The following FARP1 variants were observed in gnomAD, a reference collection of about 807,000 sequenced individuals.
FARP1 encodes the protein FERM, ARHGEF and pleckstrin domain-containing protein 1.
FARP1 carries 52 observed loss-of-function variants against 128.8 expected under a neutral mutation model. The ratio of observed to expected loss-of-function variants is 0.40; its 90% CI spans 0.32 to 0.51. FARP1 has a LOEUF of 0.51. Among genes scored for constraint, FARP1 ranks in the 20% least tolerant of loss-of-function variants. FARP1 has a pLI of 0.45. For synonymous variants in FARP1, 580 were observed against 551.8 expected, an observed-to-expected ratio of 1.05 and a Z score of -0.72; for missense variants, 1,333 against 1,367.9, an observed-to-expected ratio of 0.97 and a Z score of 0.40.
intron 2 of FARP1, among the ~76,000 whole-genome samples, chr13:98,254,984 G>A (rs1394834919): frequency 1.3e-5 from 2 of 151,712 alleles, no homozygotes; most frequent in Non-Finnish European, 2.9e-5. Flanking sequence ...GAAAAACAAA[G>A]GAAGAATTTT....
At chr13:98,162,583 C>G (rs1359861986) in intron 1 of FARP1, among the ~76,000 whole-genome samples, 1 of 152,154 alleles carries the variant, frequency 6.6e-6, no homozygotes, top group Non-Finnish European at 1.5e-5. Context: ...TCTGTAAAAG[C>G]CTTGAACTTA....
At chr13:98,243,643 G>A (rs1176005520) in intron 2 of FARP1, among the ~76,000 whole-genome samples, 1 of 144,002 alleles carries the variant, frequency 6.9e-6, no homozygotes, top group African/African-American at 2.7e-5. Flanking sequence ...GTTGCAGTGA[G>A]CCTAGATCGT....
At position 98,176,582 on chromosome 13, in the gene FARP1, C is replaced by T. The variant is rs1365800450; in HGVS notation, c.-24+33090C>T. The T allele has an allele frequency of 1.2e-6, 2 of 1,614,100 alleles. No individual in the cohort carries two copies. The highest frequency in any genetic ancestry group is 2.2e-5 in the East Asian group (1 of 44,892). ...TCAATCTCCCACCCGAGCTTGTAAT[C>T]GGAACGGTCGTGGAGGAATTTGCAG... On this transcript the variant is annotated intron_variant, in intron 1 of 26. Coordinates refer to ENST00000319562, the MANE Select transcript of FARP1 (RefSeq NM_005766.4). This position sits in a 1 kb window ranked among gnomAD's most constrained non-coding sequence, Gnocchi z 6.2.
At chr13:98,299,204 A>T (rs985236318) in intron 2 of FARP1, among the ~76,000 whole-genome samples, 2 of 152,264 alleles carry the variant, frequency 1.3e-5, no homozygotes, top group Non-Finnish European at 1.5e-5. Flanking sequence ...CAGTTCTACC[A>T]TGCAGAAGTA....
intron 1 of FARP1, among the ~76,000 whole-genome samples, chr13:98,195,870 T>A (rs907609999): frequency 6.6e-5 from 10 of 151,966 alleles, no homozygotes; most frequent in Non-Finnish European, 8.8e-5. Context: ...ACAAAAATTT[T>A]AAAAAATTCG....
Position 98,431,025 on chromosome 13 carries a change from C to G in FARP1, c.1906-18C>G, listed in dbSNP as rs757091571. ...CCATTCAGCTGAACAGGACCCTCCT[C>G]CTCTGTTGCCTCCCAAGCACCTGGC... On this transcript the variant is annotated intron_variant, in intron 17 of 26. Coordinates refer to ENST00000319562, the MANE Select transcript of FARP1 (RefSeq NM_005766.4). The G allele has an allele frequency of 6.3e-7, 1 of 1,576,442 alleles. No individual in the cohort carries two copies. Among genetic ancestry groups the G allele is most frequent in the Non-Finnish European group, 8.7e-7 (1 of 1,148,020 alleles).
chr13:98,180,241 G>C (rs1176244335), intron 1 of FARP1, among the ~76,000 whole-genome samples: 2 of 152,126 alleles, frequency 1.3e-5, no homozygotes, highest in African/African-American at 2.4e-5. Context: ...GGAAGGCAAA[G>C]GGGGAGCAGG....
rs1337348677 is a variant in FARP1, at chr13:98,446,662, C to A, written c.2905-4C>A. The A allele has an allele frequency of 1.9e-6, 3 of 1,614,064 alleles. No homozygotes were observed. The highest frequency in any genetic ancestry group is 1.7e-6 in the Non-Finnish European group (2 of 1,179,976). On this transcript the variant is annotated splice_region_variant and splice_polypyrimidine_tract_variant and intron_variant, in intron 25 of 26. Transcript: ENST00000319562. Reference sequence around the variant, plus strand: ...AGCCACTTTGCTTTGTTTCCCCTTTCCAGGACAATCATCCCCTTGCCAGCC... The same window carrying A: ...AGCCACTTTGCTTTGTTTCCCCTTTACAGGACAATCATCCCCTTGCCAGCC...
At chr13:98,259,029 G>A (rs1391420984) in intron 2 of FARP1, among the ~76,000 whole-genome samples, 1 of 152,052 alleles carries the variant, frequency 6.6e-6, no homozygotes, top group African/African-American at 2.4e-5. Flanking sequence ...GCAACATAGT[G>A]AGACCCTGTC....
At chr13:98,438,319 C>G (rs1395072428) in intron 19 of FARP1, among the ~76,000 whole-genome samples, 1 of 152,120 alleles carries the variant, frequency 6.6e-6, no homozygotes, top group Non-Finnish European at 1.5e-5. Context: ...GCCTCTCGGT[C>G]CTCAAGGGTC....
chr13:98,423,458 A>T (rs540256580), intron 16 of FARP1, among the ~76,000 whole-genome samples: 2 of 152,184 alleles, frequency 1.3e-5, no homozygotes, highest in East Asian at 3.9e-4. Flanking sequence ...CTTTCATGTA[A>T]GTTGGCTTCT....
At chr13:98,173,068 GT>G (rs1189630010) in intron 1 of FARP1, among the ~76,000 whole-genome samples, 1 of 152,172 alleles carries the variant, frequency 6.6e-6, no homozygotes, top group Non-Finnish European at 1.5e-5. Context: ...TCAATCTCGT[GT>G]TTTTTAGCTC....
At chr13:98,278,846 G>T (rs1391226759) in intron 2 of FARP1, among the ~76,000 whole-genome samples, 1 of 145,832 alleles carries the variant, frequency 6.9e-6, no homozygotes, top group African/African-American at 2.8e-5. Context: ...TTTATTTTGA[G>T]ACAGAGTCTC....
intron 1 of FARP1, among the ~76,000 whole-genome samples, chr13:98,154,009 T>G (rs1444066359): frequency 1.3e-5 from 2 of 152,204 alleles, no homozygotes; most frequent in Non-Finnish European, 2.9e-5. Flanking sequence ...TATAGTCTGG[T>G]CTTTTCCAGT....
intron 2 of FARP1, among the ~76,000 whole-genome samples, chr13:98,251,712 A>G (rs111805495): frequency 0.032 from 4,847 of 151,810 alleles, 266 homozygotes; most frequent in African/African-American, 0.11. Context: ...AAAAGTCCCC[A>G]TTAGGGAAGA....
chr13:98,193,325 G>A (rs1310851576), intron 1 of FARP1, among the ~76,000 whole-genome samples: 1 of 152,154 alleles, frequency 6.6e-6, no homozygotes, highest in Non-Finnish European at 1.5e-5. Flanking sequence ...CAAAGTGCTG[G>A]GATTACAGGC....
intron 2 of FARP1, chr13:98,333,759 T>A (rs1321500766): frequency 1.3e-5 from 2 of 151,998 alleles, no homozygotes; most frequent in African/African-American, 2.4e-5. Flanking sequence ...GCATTTGTGG[T>A]CAGAACCGAT....
chr13:98,204,099 G>T (rs1424036502), intron 1 of FARP1: 2 of 152,230 alleles, frequency 1.3e-5, no homozygotes, highest in African/African-American at 4.8e-5. Flanking sequence ...AGCCAGCCAG[G>T]TTAGCTAGAT....
At chr13:98,435,869 G>C (rs1378003663) in intron 19 of FARP1, 163 bp downstream of exon 19, 2 of 764,596 alleles carry the variant, frequency 2.6e-6, no homozygotes, top group Non-Finnish European at 2.4e-6. Flanking sequence ...CGTTAGTTCA[G>C]AATCATTGTG....
Sources: allele counts gnomAD v4.1 joint callset (sites outside exome capture counted in the v4.1 genomes callset), GRCh38; gene constraint gnomAD v4.1.1; non-coding constraint Gnocchi (gnomAD v3.1); transcripts MANE v1.5; gene names NCBI Gene and HGNC (gene_info 2026-07-23, HGNC 2026-07-21).